FAM221A: variants seen among roughly 807,000 people sequenced by gnomAD.
FAM221A encodes the protein family with sequence similarity 221 member A.
FAM221A carries 43 observed loss-of-function variants against 37.6 expected under a neutral mutation model. The observed-to-expected ratio is 1.15, with a 90% CI of 0.90 to 1.48. The LOEUF (loss-of-function observed/expected upper bound fraction) is 1.48, where lower values mean the gene tolerates loss of function less well. FAM221A is among the 40% of genes most tolerant of loss of function. FAM221A has a pLI of 0.00. For synonymous variants in FAM221A, 135 were observed against 132.9 expected, an observed-to-expected ratio of 1.02 and a Z score of -0.11; for missense variants, 361 against 361.5, an observed-to-expected ratio of 1.00 and a Z score of 0.01.
chr7:23,692,713 G>A (rs1014254615), intron 4 of FAM221A: 3 of 983,588 alleles, frequency 3.1e-6, no homozygotes, highest in South Asian at 4.7e-5. Context: ...GAAATTAAGT[G>A]CAAAACACCC....
In FAM221A at chr7:23,691,445, A is replaced by G. The variant is rs1439891629; in HGVS notation, c.486A>G (p.Ala162=). Residue 162 remains alanine (A), a synonymous_variant, in exon 4 of 7, where the codon GCA becomes GCG. Coordinates refer to ENST00000344962, the MANE Select transcript of FAM221A (RefSeq NM_199136.5). ...SCFTCACGQP[A]YAHDTVVETK... ...TCACTTGTGCTTGTGGTCAGCCTGC[A>G]TATGCCCATGACACAGTAGTGGAAA... 1.9e-6 allele frequency: 3 copies of G among 1,614,244 alleles called. No homozygotes were observed. Among genetic ancestry groups the G allele is most frequent in the Non-Finnish European group, 2.5e-6 (3 of 1,180,050 alleles).
At chr7:23,682,742 G>T (rs1344129042) in intron 1 of FAM221A, among the ~76,000 whole-genome samples, 1 of 152,088 alleles carries the variant, frequency 6.6e-6, no homozygotes, top group Non-Finnish European at 1.5e-5. Context: ...CTGCATTTGA[G>T]CAAGATCCCC....
At chr7:23,692,860 G>C in intron 4 of FAM221A, 1 of 577,448 alleles carries the variant, frequency 1.7e-6, no homozygotes, top group Non-Finnish European at 2.2e-6. Flanking sequence ...TAAGAGATAG[G>C]GTCTTGCTAT....
chr7:23,696,258 T>C (rs577675114), intron 4 of FAM221A, among the ~76,000 whole-genome samples: 21 of 122,182 alleles, frequency 1.7e-4, no homozygotes, highest in African/African-American at 5.3e-4. Context: ...AGTAAAAATA[T>C]GGCATAAAAA....
intron 2 of FAM221A, among the ~76,000 whole-genome samples, chr7:23,685,122 G>A (rs573387052): frequency 6.6e-6 from 1 of 152,200 alleles, no homozygotes; most frequent in East Asian, 1.9e-4. Flanking sequence ...GGTGGCACAC[G>A]CCTGTAATCC....
chr7:23,689,837 CA>C (rs1211356136), intron 3 of FAM221A, among the ~76,000 whole-genome samples: 2 of 151,990 alleles, frequency 1.3e-5, no homozygotes, highest in East Asian at 3.9e-4. Context: ...TTTTATAAGT[CA>C]AAAAACTTTT....
At chr7:23,688,638 T>C (rs1390660484) in intron 2 of FAM221A, 1 of 146,962 alleles carries the variant, frequency 6.8e-6, no homozygotes, top group Non-Finnish European at 1.5e-5. Context: ...CTTTTTCTTT[T>C]CTTTTTTTTT....
At chr7:23,686,651 A>G (rs1206754857) in intron 2 of FAM221A, 3 of 158,048 alleles carry the variant, frequency 1.9e-5, no homozygotes, top group Admixed American at 6.2e-5. Context: ...TCACCCCACT[A>G]TTAAAGTGGT....
intron 2 of FAM221A, among the ~76,000 whole-genome samples, chr7:23,685,302 CA>C (rs1261197764): frequency 1.5e-5 from 2 of 134,770 alleles, no homozygotes; most frequent in Admixed American, 7.8e-5. Context: ...CAAAACAAAA[CA>C]AAACCCCACA....
chr7:23,683,232 A>G (rs530262691), intron 1 of FAM221A, among the ~76,000 whole-genome samples: 2 of 152,304 alleles, frequency 1.3e-5, no homozygotes, highest in East Asian at 3.9e-4. Context: ...CTTTTCCTCC[A>G]GGGAGGCCAA....
At chr7:23,700,938 TTGAA>T in intron 6 of FAM221A, 70 bp downstream of exon 6, 2 of 997,198 alleles carry the variant, frequency 2.0e-6, no homozygotes, top group South Asian at 2.9e-5. Context: ...TGATTATACA[TTGAA>T]TGTGGAACAT....
chr7:23,691,715 G>T (rs1461985440), intron 4 of FAM221A, 119 bp downstream of exon 4: 12 of 872,120 alleles, frequency 1.4e-5, no homozygotes, highest in South Asian at 3.9e-5. Context: ...ACATTCTCTC[G>T]TTTGATTTTT....
chr7:23,698,281 C>G lies in FAM221A; in HGVS notation c.727C>G (p.Pro243Ala). The change falls in exon 5 of 7, where the codon CCA (proline) becomes GCA (alanine). Residue 243 changes from proline (P) to alanine (A), a missense_variant. Pro to Ala is a conservative substitution (Grantham distance 27). Transcript: ENST00000344962. ...KAFQASSSSSPETLTDVGTSS... is the reference protein window; with the variant it reads ...KAFQASSSSSAETLTDVGTSS... ...ATTTCAAGCATCATCTAGTTCTTCT[C>G]CAGAAACGTTAACAGATGGTAATGA... 6.4e-7 allele frequency: 1 copy of G among 1,566,042 alleles called. No homozygotes were observed. The highest frequency in any genetic ancestry group is 8.7e-7 in the Non-Finnish European group (1 of 1,147,130).
downstream of FAM221A, chr7:23,702,763 T>C (rs1233664002): frequency 6.6e-6 from 1 of 152,218 alleles, no homozygotes; most frequent in African/African-American, 2.4e-5. Context: ...ACTGGACACA[T>C]CTTGTGTGCC....
Position 23,702,268 on chromosome 7 carries a change from TACTGTATAAATG to T in FAM221A, c.*105_*116del. On this transcript the variant is annotated 3_prime_UTR_variant, in exon 7 of 7. Coordinates refer to ENST00000344962, the MANE Select transcript of FAM221A (RefSeq NM_199136.5). Reference sequence around the variant, plus strand: ...CCTGAAATTATTTACTTTTTTTTTTTACTGTATAAATGTCTTTTGGGATGTTTCCTTAATTTA... The same window carrying T: ...CCTGAAATTATTTACTTTTTTTTTTTTCTTTTGGGATGTTTCCTTAATTTA... 1.5e-6 allele frequency: 1 copy of T among 672,222 alleles called. No individual in the cohort carries two copies. Among genetic ancestry groups the T allele is most frequent in the Non-Finnish European group, 2.3e-6 (1 of 434,826 alleles). 41.6% of individuals were successfully genotyped at this position (672,222 alleles called of 1,614,324 possible).
intron 1 of FAM221A, among the ~76,000 whole-genome samples, 173 bp downstream of exon 1, chr7:23,680,456 T>C (rs1315948525): frequency 6.6e-6 from 1 of 152,152 alleles, no homozygotes; most frequent in African/African-American, 2.4e-5. Context: ...AATTAAATAT[T>C]GTAGGGCCAC....
intron 2 of FAM221A, chr7:23,687,925 A>T (rs1157511461): frequency 6.6e-6 from 1 of 150,824 alleles, no homozygotes; most frequent in East Asian, 2.0e-4. Flanking sequence ...GATTACAGGC[A>T]TGTGCCACAG....
chr7:23,680,506 G>A (rs1304272461), intron 1 of FAM221A, among the ~76,000 whole-genome samples: 1 of 152,184 alleles, frequency 6.6e-6, no homozygotes, highest in Admixed American at 6.5e-5. Context: ...TAACATTTAA[G>A]AGGCCCCTCT....
chr7:23,695,915 T>C lies in FAM221A; in HGVS notation c.638-2277T>C, dbSNP rs1156946906. On this transcript the variant is annotated intron_variant, in intron 4 of 6. Transcript: ENST00000344962. Reference sequence around the variant, plus strand: ...AAAATGGCTAGTACTTCCAGAACAATGCTAAATAATGGTGGTAGCTGGCAT... The same window carrying C: ...AAAATGGCTAGTACTTCCAGAACAACGCTAAATAATGGTGGTAGCTGGCAT... 2.0e-5 allele frequency among the ~76,000 whole-genome samples: 3 copies of C among 152,220 alleles called. No homozygotes were observed. In the East Asian group the frequency reaches 5.8e-4, roughly 29 times the overall value.
Sources: allele counts gnomAD v4.1 joint callset (sites outside exome capture counted in the v4.1 genomes callset), GRCh38; gene constraint gnomAD v4.1.1; transcripts MANE v1.5; gene names NCBI Gene and HGNC (gene_info 2026-07-23, HGNC 2026-07-21).